Variants in CNIH3 observed in about 807,000 individuals in gnomAD.
CNIH3 encodes the protein cornichon family AMPA receptor auxiliary protein 3, also known as protein cornichon homolog 3.
CNIH3 carries 14 observed loss-of-function variants against 24.1 expected under a neutral mutation model. The observed-to-expected ratio is 0.58, with a 90% CI of 0.38 to 0.91. The LOEUF (loss-of-function observed/expected upper bound fraction) is 0.91, where lower values mean the gene tolerates loss of function less well. Ranked by LOEUF, CNIH3 falls within the 40% of genes least tolerant of loss-of-function variation. The pLI, the probability that CNIH3 is intolerant of heterozygous loss-of-function variation, is 0.00. For synonymous variants in CNIH3, 68 were observed against 73.8 expected, an observed-to-expected ratio of 0.92 and a Z score of 0.40; for missense variants, 178 against 196.8, an observed-to-expected ratio of 0.90 and a Z score of 0.57.
intron 2 of CNIH3, among the ~76,000 whole-genome samples, chr1:224,545,998 C>A (rs751826940): frequency 3.9e-5 from 6 of 152,092 alleles, no homozygotes; most frequent in Non-Finnish European, 7.4e-5. Flanking sequence ...GTGTTTGTGT[C>A]CTAAGCTCCT....
chr1:224,709,739 T>C (rs984505430), intron 3 of CNIH3, among the ~76,000 whole-genome samples: 4 of 152,164 alleles, frequency 2.6e-5, no homozygotes, highest in African/African-American at 4.8e-5. Flanking sequence ...TCCTATTTTA[T>C]GGGTTGAAGC....
chr1:224,657,477 T>G (rs1558261059), intron 1 of CNIH3, among the ~76,000 whole-genome samples: 1 of 152,180 alleles, frequency 6.6e-6, no homozygotes, highest in Non-Finnish European at 1.5e-5. Context: ...TTTTACTCAA[T>G]TGTTAAAGGC....
chr1:224,590,841 T>C (rs1407024225), downstream of CNIH3, among the ~76,000 whole-genome samples: 1 of 117,536 alleles, frequency 8.5e-6, no homozygotes, highest in African/African-American at 3.3e-5. Flanking sequence ...AGATAGATCC[T>C]GGTTATATTT....
chr1:224,724,904 A>G (rs1688934913), intron 3 of CNIH3, among the ~76,000 whole-genome samples: 1 of 152,150 alleles, frequency 6.6e-6, no homozygotes, highest in Non-Finnish European at 1.5e-5. Context: ...CATCTAGTAT[A>G]TGATTATTAA....
At chr1:224,582,787 G>A (rs1471567230) in intron 4 of CNIH3, among the ~76,000 whole-genome samples, 10 of 152,160 alleles carry the variant, frequency 6.6e-5, no homozygotes, top group Admixed American at 3.9e-4. Flanking sequence ...CTATAAGTTC[G>A]GAGGTTTGGA....
intron 2 of CNIH3, among the ~76,000 whole-genome samples, chr1:224,524,180 C>T (rs1239796274): frequency 6.6e-6 from 1 of 152,210 alleles, no homozygotes; most frequent in Non-Finnish European, 1.5e-5. Flanking sequence ...CAGGGTCCCA[C>T]CTCAGATGTG....
At chr1:224,506,447 G>A (rs1677922923) in intron 1 of CNIH3, among the ~76,000 whole-genome samples, 1 of 152,194 alleles carries the variant, frequency 6.6e-6, no homozygotes, top group African/African-American at 2.4e-5. Flanking sequence ...GGCCCTGCTC[G>A]ATGCCACCCT....
intron 1 of CNIH3, among the ~76,000 whole-genome samples, chr1:224,663,461 G>A (rs538513132): frequency 2.0e-4 from 31 of 152,270 alleles, no homozygotes; most frequent in African/African-American, 7.2e-4. Flanking sequence ...TCCTCTCTTG[G>A]TTGGGCTTGT....
chr1:224,504,270 A>G (rs912660738), intron 1 of CNIH3, among the ~76,000 whole-genome samples: 2 of 152,236 alleles, frequency 1.3e-5, no homozygotes, highest in African/African-American at 4.8e-5. Context: ...GAGCTAGTGT[A>G]GTGCCTGGTT....
chr1:224,555,830 C>T (rs1026590790), intron 3 of CNIH3, among the ~76,000 whole-genome samples: 7 of 152,258 alleles, frequency 4.6e-5, no homozygotes, highest in East Asian at 3.9e-4. Context: ...TTGTAGGTTC[C>T]GCACTGCGGC....
At chr1:224,642,169 G>T (rs921443130) in intron 1 of CNIH3, among the ~76,000 whole-genome samples, 4 of 152,196 alleles carry the variant, frequency 2.6e-5, no homozygotes, top group African/African-American at 9.6e-5. Flanking sequence ...AATATTTGCT[G>T]TATCAGGCAC....
chr1:224,523,626 A>C (rs1558128798), intron 2 of CNIH3, among the ~76,000 whole-genome samples: 1 of 152,190 alleles, frequency 6.6e-6, no homozygotes, highest in Admixed American at 6.5e-5. Context: ...CGATGGTTAC[A>C]CAGAGGTGCT....
chr1:224,505,305 G>GA (rs35027217), intron 1 of CNIH3, among the ~76,000 whole-genome samples: 19 of 138,560 alleles, frequency 1.4e-4, no homozygotes, highest in Admixed American at 2.2e-4. Flanking sequence ...TCTCAAAAAG[G>GA]AAAAAAAAAA....
In CNIH3 at chr1:224,519,873, T is replaced by C. The variant is rs185530414; in HGVS notation, n.16-1127T>C. ...AATTAAAATTAAATATAATTAAAAT[T>C]GATTTTGTCAGTCACAGTAGACCAC... On this transcript the variant is annotated intron_variant and non_coding_transcript_variant, in intron 1 of 2. Coordinates refer to the CNIH3 transcript ENST00000470602. Among the ~76,000 whole-genome samples, 783 of 152,206 alleles carry C rather than the reference T, an allele frequency of 5.1e-3. 4 individuals carry two copies. Among genetic ancestry groups the C allele is most frequent in the Non-Finnish European group, 8.5e-3 (576 of 68,020 alleles).
intron 1 of CNIH3, among the ~76,000 whole-genome samples, chr1:224,501,429 G>C (rs1304693701): frequency 7.9e-5 from 12 of 151,796 alleles, no homozygotes; most frequent in Non-Finnish European, 1.6e-4. Flanking sequence ...TTACAGATGA[G>C]GGTCCTGGAG....
intron 1 of CNIH3, among the ~76,000 whole-genome samples, chr1:224,519,359 A>G (rs372644774): frequency 1.3e-5 from 2 of 152,060 alleles, no homozygotes; most frequent in Non-Finnish European, 2.9e-5. Context: ...TGAGACTTAC[A>G]CTATTGGCTC....
intron 1 of CNIH3, among the ~76,000 whole-genome samples, chr1:224,667,661 A>C (rs2125125575): frequency 6.6e-6 from 1 of 152,190 alleles, no homozygotes; most frequent in East Asian, 1.9e-4. Flanking sequence ...GATTCTGCCA[A>C]GTGTCTGAGG....
At chr1:224,550,229 A>G (rs773544222) in intron 3 of CNIH3, among the ~76,000 whole-genome samples, 37 of 152,304 alleles carry the variant, frequency 2.4e-4, no homozygotes, top group Admixed American at 1.0e-3. Flanking sequence ...AGTGTGTGTA[A>G]CCACTAGATT....
At chr1:224,630,098 C>T (rs963201996) in intron 1 of CNIH3, among the ~76,000 whole-genome samples, 1 of 152,076 alleles carries the variant, frequency 6.6e-6, no homozygotes, top group African/African-American at 2.4e-5. Flanking sequence ...CGGTGTTTCC[C>T]ATGATTTTAA....
Sources: gnomAD v4.1 joint callset for allele counts (sites outside exome capture counted in the v4.1 genomes callset) on GRCh38, gnomAD v4.1.1 for gene constraint, MANE v1.5 for transcripts, NCBI Gene and HGNC (gene_info 2026-07-23, HGNC 2026-07-21) for gene names.